EPG5: variants seen among roughly 807,000 people sequenced by gnomAD.
EPG5 encodes the protein ectopic P-granules 5 autophagy tethering factor.
A neutral mutation model predicts 302.7 loss-of-function variants in EPG5; 159 were observed. That is an observed-to-expected ratio of 0.53 (90% confidence interval 0.46 to 0.60). The LOEUF (loss-of-function observed/expected upper bound fraction) is 0.60. EPG5 is among the 20% of genes least tolerant of loss of function. EPG5 has a pLI of 0.00. For missense variants in EPG5, 2,896 were observed against 3,092.4 expected (o/e 0.94, Z 1.51); for synonymous variants, 1,158 against 1,136.8 (o/e 1.02, Z -0.37).
chr18:45,818,779 G>T, the EPG5 span, among the ~76,000 whole-genome samples: 1 of 132,490 alleles, frequency 7.5e-6, no homozygotes, highest in African/African-American at 2.8e-5. Flanking sequence ...TGTCACTCAG[G>T]CTGGAGTGCA....
In EPG5 at chr18:45,904,181, G is replaced by C. The variant is rs912662289; in HGVS notation, c.4330-64C>G. On this transcript the variant is annotated intron_variant, in intron 24 of 43. Transcript: ENST00000282041. ...GTCATAGATTCACATATAAAACTAT[G>C]TATTTAACTATAAAGTGAACCAGTA... is the stretch of plus-strand genomic sequence containing the variant. 9.7e-6 allele frequency: 15 copies of C among 1,546,546 alleles called. No homozygotes were observed. In the African/African-American group the frequency reaches 1.3e-4, roughly 13 times the overall value.
intron 13 of EPG5, among the ~76,000 whole-genome samples, chr18:45,927,804 A>G (rs942041630): frequency 6.6e-6 from 1 of 152,196 alleles, no homozygotes; most frequent in Non-Finnish European, 1.5e-5. Flanking sequence ...ATCTAGAGAC[A>G]GACATTAGAT....
intron 31 of EPG5, among the ~76,000 whole-genome samples, chr18:45,881,380 C>A (rs2049094629): frequency 6.6e-6 from 1 of 152,206 alleles, no homozygotes; most frequent in Non-Finnish European, 1.5e-5. Context: ...CACCATTCTC[C>A]ACCCACCCTG....
chr18:45,829,438 A>G, the EPG5 span, among the ~76,000 whole-genome samples: 1 of 152,144 alleles, frequency 6.6e-6, no homozygotes, highest in Non-Finnish European at 1.5e-5. Flanking sequence ...ACAACTTGCA[A>G]GCCCAGAGAA....
chr18:45,959,143 G>A (rs950491081), intron 1 of EPG5, among the ~76,000 whole-genome samples: 20 of 152,106 alleles, frequency 1.3e-4, no homozygotes, highest in African/African-American at 4.1e-4. Context: ...TCGATGAATC[G>A]GCTCTGTCTA....
At chr18:45,937,393 T>C (rs1174645665) in intron 10 of EPG5, among the ~76,000 whole-genome samples, 2 of 151,204 alleles carry the variant, frequency 1.3e-5, no homozygotes, top group East Asian at 1.9e-4. Context: ...CACACACATA[T>C]ATATACACAC....
intron 31 of EPG5, among the ~76,000 whole-genome samples, chr18:45,882,048 C>A (rs145733521): frequency 2.6e-4 from 40 of 152,322 alleles, no homozygotes; most frequent in African/African-American, 8.9e-4. Flanking sequence ...GGAGGTGCTG[C>A]CTTGCCCAAT....
chr18:45,801,220 A>G, the EPG5 span, among the ~76,000 whole-genome samples: 74 of 152,212 alleles, frequency 4.9e-4, no homozygotes, highest in East Asian at 0.014. Flanking sequence ...TATTTTTAGT[A>G]GAGACAAGGT....
chr18:45,848,206 T>C lies in EPG5; in HGVS notation c.*4261A>G, dbSNP rs1030244875. 1 of 152,202 alleles carries C rather than the reference T, an allele frequency of 6.6e-6. No homozygotes were observed. The allele number at this position is 152,202 out of a possible 1,614,324, so 9.4% of individuals were successfully genotyped here. On this transcript the variant is annotated 3_prime_UTR_variant, in exon 44 of 44. Coordinates refer to ENST00000282041, the MANE Select transcript of EPG5 (RefSeq NM_020964.3). ...GATACTTTCTTTTAATCAACACACT[T>C]ATTTCCCAACATTATATTCTCCATT... is the stretch of plus-strand genomic sequence containing the variant.
chr18:45,869,633 A>G (rs1037529268), intron 36 of EPG5, among the ~76,000 whole-genome samples: 2 of 152,234 alleles, frequency 1.3e-5, no homozygotes, highest in Admixed American at 6.5e-5. Flanking sequence ...CGTCTCATAT[A>G]CTAAATCTAG....
chr18:45,839,039 T>A, the EPG5 span: 1 of 1,553,524 alleles, frequency 6.4e-7, no homozygotes, highest in Non-Finnish European at 8.6e-7. Context: ...GCTCTCGGCT[T>A]CAAGGCGCTG....
In EPG5 at chr18:45,946,683, C is replaced by G; in HGVS notation, c.1657G>C (p.Val553Leu). The change falls in exon 7 of 44, where the codon GTA becomes CTA. Residue 553 changes from valine (V) to leucine (L), a missense_variant. By Grantham distance (32) the Val-to-Leu change is conservative (BLOSUM62 1). Coordinates refer to ENST00000282041, the MANE Select transcript of EPG5 (RefSeq NM_020964.3). ...SGPGSGTWTL[V>L]DEGGEEDEDP... ...GTTACCTCTTCTCCTCCTTCGTCTA[C>G]TAGCGTCCAAGTCCCAGACCCAGGC... The G allele has an allele frequency of 1.9e-6, 3 of 1,614,062 alleles. No individual in the cohort carries two copies. The highest frequency in any genetic ancestry group is 2.5e-6 in the Non-Finnish European group (3 of 1,179,962).
chr18:45,883,194 C>T (rs2049137600), intron 30 of EPG5, among the ~76,000 whole-genome samples: 1 of 152,104 alleles, frequency 6.6e-6, no homozygotes, highest in Non-Finnish European at 1.5e-5. Context: ...GAGTCTCATA[C>T]ATTTCTGTCT....
chr18:45,963,584 A>C (rs1158017286), intron 1 of EPG5, among the ~76,000 whole-genome samples: 1 of 152,146 alleles, frequency 6.6e-6, no homozygotes, highest in East Asian at 1.9e-4. Context: ...GCAGTGAGCC[A>C]AGATCACACC....
chr18:45,953,943 G>T, intron 2 of EPG5: 1 of 985,128 alleles, frequency 1.0e-6, no homozygotes, highest in Non-Finnish European at 1.2e-6. Context: ...TATGCCCAAG[G>T]TCACAAACTA....
rs2049561431 is a variant in EPG5 at position 45,899,665 on chromosome 18, C to CA, written c.4647-100dup. 4.9e-6 allele frequency: 6 copies of CA among 1,220,380 alleles called. No individual in the cohort carries two copies. In the Admixed American group the frequency reaches 1.3e-4, roughly 26 times the overall value. The allele number at this position is 1,220,380 out of a possible 1,614,324, so 75.6% of individuals were successfully genotyped here. On this transcript the variant is annotated intron_variant, in intron 26 of 43. Coordinates refer to ENST00000282041, the MANE Select transcript of EPG5 (RefSeq NM_020964.3). ...ACCCACAGCCAGCATTATAGTGCAG[C>CA]AAAAGACACATAAACCATAGTAACA...
intron 27 of EPG5, 91 bp downstream of exon 27, chr18:45,899,313 C>T: frequency 7.0e-7 from 1 of 1,420,398 alleles, no homozygotes; most frequent in Non-Finnish European, 9.8e-7. Context: ...AGACAGTGTG[C>T]TATATATGTC....
chr18:45,900,889 T>A, intron 26 of EPG5, 107 bp downstream of exon 26: 1 of 1,282,468 alleles, frequency 7.8e-7, no homozygotes, highest in Non-Finnish European at 1.1e-6. Context: ...GGTCAAACTA[T>A]CCTCATTGTA....
the EPG5 span, among the ~76,000 whole-genome samples, chr18:45,803,967 C>G: frequency 1.3e-5 from 2 of 152,048 alleles, no homozygotes; most frequent in African/African-American, 4.8e-5. Flanking sequence ...AGGCAAAAGT[C>G]AAGCTCAAGA....
Sources: gnomAD v4.1 joint callset for allele counts (sites outside exome capture counted in the v4.1 genomes callset) on GRCh38, gnomAD v4.1.1 for gene constraint, MANE v1.5 for transcripts, NCBI Gene and HGNC (gene_info 2026-07-23, HGNC 2026-07-21) for gene names.